Variants in MTR observed in about 807,000 individuals in gnomAD.
The protein encoded by MTR is methionine synthase.
MTR carries 84 observed loss-of-function variants against 154.8 expected under a neutral mutation model. That is an observed-to-expected ratio of 0.54 (90% confidence interval 0.45 to 0.65). The LOEUF is 0.65. Ranked by LOEUF, MTR falls within the 30% of genes least tolerant of loss-of-function variation. The pLI, the probability that MTR is intolerant of heterozygous loss-of-function variation, is 0.00. For synonymous variants in MTR, 554 were observed against 553.9 expected (o/e 1.00, Z 0.00); for missense variants, 1,275 against 1,570.2 (o/e 0.81, Z 3.18).
chr1:236,863,406 C>A, intron 21 of MTR, 48 bp from the exon 22 acceptor site: 1 of 1,485,642 alleles, frequency 6.7e-7, no homozygotes, highest in South Asian at 1.1e-5. Context: ...ACTAGGTGTT[C>A]CACCCTAAAC....
chr1:236,887,182 A>G (rs1666059324), intron 27 of MTR, among the ~76,000 whole-genome samples: 1 of 152,152 alleles, frequency 6.6e-6, no homozygotes, highest in Admixed American at 6.5e-5. Context: ...TGCTCACGAC[A>G]TCTGTGTTCT....
intron 24 of MTR, among the ~76,000 whole-genome samples, chr1:236,875,500 A>G (rs1434055302): frequency 3.3e-5 from 5 of 152,320 alleles, no homozygotes; most frequent in African/African-American, 1.2e-4. Flanking sequence ...GGTAAGTGCT[A>G]CGTTAACTGT....
chr1:236,803,388 C>T (rs1243137513), intron 1 of MTR, 40 bp from the exon 2 acceptor site: 4 of 1,584,862 alleles, frequency 2.5e-6, no homozygotes, highest in Middle Eastern at 1.8e-4. Flanking sequence ...ATCTTTTTCA[C>T]CTTTCATTCT....
At chr1:236,829,639 T>A (rs547178723) in intron 12 of MTR, among the ~76,000 whole-genome samples, 6 of 152,326 alleles carry the variant, frequency 3.9e-5, no homozygotes, top group Admixed American at 3.9e-4. Flanking sequence ...CAAGGTGTAA[T>A]GTTTGGTGAT....
chr1:236,836,643 A>C (rs573752585), intron 14 of MTR, among the ~76,000 whole-genome samples: 1 of 152,306 alleles, frequency 6.6e-6, no homozygotes, highest in East Asian at 1.9e-4. Flanking sequence ...CAGCAGATTC[A>C]GCAGATTTAA....
At chr1:236,856,814 G>A (rs999992528) in intron 18 of MTR, among the ~76,000 whole-genome samples, 2 of 152,136 alleles carry the variant, frequency 1.3e-5, no homozygotes, top group Non-Finnish European at 2.9e-5. Flanking sequence ...AGTTTGTTGA[G>A]TGTGATGGTT....
Position 236,795,743 on chromosome 1 carries a change from G to C in MTR, c.34+6G>C. 1.2e-6 allele frequency: 2 copies of C among 1,614,174 alleles called. No homozygotes were observed. The highest frequency in any genetic ancestry group is 1.1e-5 in the South Asian group (1 of 91,088). ...CCAAGACCTGTCGCAACCCGGTAAC[G>C]CTGCGACCCCGTCTGCGTGGTTGGG... On this transcript the variant is annotated splice_donor_region_variant and intron_variant, in intron 1 of 32. Transcript: ENST00000366577.
At chr1:236,892,033 G>A (rs1666357592) in intron 29 of MTR, among the ~76,000 whole-genome samples, 2 of 152,098 alleles carry the variant, frequency 1.3e-5, no homozygotes, top group Admixed American at 6.6e-5. Flanking sequence ...CTTTGAAAAG[G>A]CAAATATCAT....
chr1:236,831,507 G>A (rs1354602362), intron 12 of MTR, among the ~76,000 whole-genome samples: 1 of 152,140 alleles, frequency 6.6e-6, no homozygotes, highest in Non-Finnish European at 1.5e-5. Flanking sequence ...AAGAAATGAA[G>A]TAATGTTGTA....
At chr1:236,859,961 A>G (rs1664425484) in intron 19 of MTR, 39 bp downstream of exon 19, 4 of 1,554,716 alleles carry the variant, frequency 2.6e-6, no homozygotes, top group African/African-American at 1.4e-5. Flanking sequence ...CTGGAGGCTC[A>G]TCATGGCTGA....
chr1:236,846,921 C>T (rs547965997), intron 15 of MTR, among the ~76,000 whole-genome samples: 17 of 152,236 alleles, frequency 1.1e-4, no homozygotes, highest in African/African-American at 3.9e-4. Flanking sequence ...AAGTCTCACT[C>T]TGTCGTGCAG....
Position 236,795,346 on chromosome 1 carries a change from G to A in MTR, c.-358G>A, listed in dbSNP as rs556897455. On this transcript the variant is annotated 5_prime_UTR_variant, in exon 1 of 33. It removes an upstream start codon present in the reference 5' UTR. Coordinates refer to ENST00000366577, the MANE Select transcript of MTR (RefSeq NM_000254.3). ...ATGTCTGCGGGGCTCAGAGCCGGAT[G>A]TCACGTCGTCCTCCTCTGCCGGTTT... The A allele has an allele frequency of 5.1e-4, 674 of 1,327,046 alleles. 6 individuals carry two copies. The African/African-American group carries it at 8.9e-3, about 18-fold the overall frequency. 82.2% of individuals were successfully genotyped at this position (1,327,046 alleles called of 1,614,324 possible).
At chr1:236,815,144 G>A (rs1174327696) in intron 6 of MTR, among the ~76,000 whole-genome samples, 1 of 152,162 alleles carries the variant, frequency 6.6e-6, no homozygotes, top group Non-Finnish European at 1.5e-5. Flanking sequence ...GTGTATGAAA[G>A]GATGTGAAAG....
Position 236,853,159 on chromosome 1 carries a change from G to A in MTR, c.1953+71G>A, listed in dbSNP as rs115763289. Reference sequence around the variant, plus strand: ...ATGTATTACTCACCTACAGTTAGTAGACCTTCATGGTGGAATAGAAGCAAA... The same window carrying A: ...ATGTATTACTCACCTACAGTTAGTAAACCTTCATGGTGGAATAGAAGCAAA... On this transcript the variant is annotated intron_variant, in intron 18 of 32. Transcript: ENST00000366577. 12,590 of 1,472,492 alleles carry A rather than the reference G, an allele frequency of 8.6e-3. 76 individuals carry two copies. The highest frequency in any genetic ancestry group is 0.011 in the Non-Finnish European group (11,118 of 1,052,122). 91.2% of individuals were successfully genotyped at this position (1,472,492 alleles called of 1,614,324 possible). A position where few individuals can be genotyped will look rare whatever the true frequency, so the allele number is the denominator to read the frequency against.
intron 26 of MTR, 98 bp downstream of exon 26, chr1:236,885,317 A>G (rs1443604317): frequency 2.5e-6 from 2 of 796,772 alleles, no homozygotes; most frequent in African/African-American, 3.4e-5. Flanking sequence ...TGAGGAGTGT[A>G]AAAGGCTTTG....
At chr1:236,846,385 TAGC>T (rs10581765) in intron 15 of MTR, among the ~76,000 whole-genome samples, 20,970 of 152,200 alleles carry the variant, frequency 0.14, 1,667 homozygotes, top group South Asian at 0.19. Context: ...TATCACATAA[TAGC>T]AGAATAGTCT....
intron 27 of MTR, 26 bp from the exon 28 acceptor site, chr1:236,889,155 T>C (rs772925625): frequency 5.0e-6 from 8 of 1,613,810 alleles, no homozygotes; most frequent in African/African-American, 4.0e-5. Flanking sequence ...AGCGTCAGCA[T>C]TGACAACCAT....
At chr1:236,892,452 A>G (rs1317840659) in intron 29 of MTR, among the ~76,000 whole-genome samples, 3 of 152,196 alleles carry the variant, frequency 2.0e-5, no homozygotes, top group African/African-American at 7.2e-5. Context: ...ACTGTATTCC[A>G]ACCTGGGCAA....
At chr1:236,882,360 A>G (rs1665783725) in intron 25 of MTR, among the ~76,000 whole-genome samples, 3 of 149,356 alleles carry the variant, frequency 2.0e-5, no homozygotes, top group Admixed American at 2.0e-4. Flanking sequence ...CAGCCCTTTG[A>G]TTCCATGTTT....
Sources: allele counts gnomAD v4.1 joint callset (sites outside exome capture counted in the v4.1 genomes callset), GRCh38; gene constraint gnomAD v4.1.1; transcripts MANE v1.5; gene names NCBI Gene and HGNC (gene_info 2026-07-23, HGNC 2026-07-21).